SETBP1: variants seen among roughly 807,000 people sequenced by gnomAD.
The protein encoded by SETBP1 is SET-binding protein.
In SETBP1, 9 loss-of-function variants were observed where a neutral mutation model predicts 101.0. The observed-to-expected ratio is 0.09, with a 90% CI of 0.05 to 0.16. The LOEUF (loss-of-function observed/expected upper bound fraction) is 0.16, where lower values mean the gene tolerates loss of function less well. Among genes scored for constraint, SETBP1 ranks in the 10% least tolerant of loss-of-function variants. The pLI is 1.00. For missense variants in SETBP1, 1,858 were observed against 2,033.8 expected (o/e 0.91, Z 1.66); for synonymous variants, 818 against 788.5 (o/e 1.04, Z -0.63).
intron 3 of SETBP1, among the ~76,000 whole-genome samples, chr18:44,921,814 T>C (rs1475758333): frequency 6.6e-6 from 1 of 152,052 alleles, no homozygotes; most frequent in African/African-American, 2.4e-5. Context: ...TGAAGCTTTA[T>C]GAAGGAGGGG....
chr18:44,686,547 C>A (rs547799069), intron 1 of SETBP1, among the ~76,000 whole-genome samples: 1 of 152,308 alleles, frequency 6.6e-6, no homozygotes, highest in South Asian at 2.1e-4. Flanking sequence ...TCACTTACCC[C>A]CTCCAAGCTC....
At chr18:44,975,953 C>G (rs1186199732) in intron 4 of SETBP1, among the ~76,000 whole-genome samples, 2 of 152,128 alleles carry the variant, frequency 1.3e-5, no homozygotes, top group East Asian at 3.9e-4. Context: ...GTCTGCAAGC[C>G]TGGGGCTCTT....
At chr18:44,826,539 G>A (rs750251937) in intron 2 of SETBP1, among the ~76,000 whole-genome samples, 1 of 152,142 alleles carries the variant, frequency 6.6e-6, no homozygotes, top group Non-Finnish European at 1.5e-5. Flanking sequence ...GAGAGTTGGG[G>A]GCATTATCAA....
chr18:44,838,186 C>A (rs539974138), intron 2 of SETBP1, among the ~76,000 whole-genome samples: 1 of 152,314 alleles, frequency 6.6e-6, no homozygotes, highest in African/African-American at 2.4e-5. Context: ...ACATTTAACA[C>A]CCAGCTATAT....
chr18:45,003,956 G>T (rs1269109645), intron 4 of SETBP1, among the ~76,000 whole-genome samples: 1 of 152,174 alleles, frequency 6.6e-6, no homozygotes, highest in Non-Finnish European at 1.5e-5. Context: ...TTTTGGCAAT[G>T]TCTGGAGATA....
chr18:44,714,448 C>T (rs562001777), intron 2 of SETBP1, among the ~76,000 whole-genome samples: 113 of 152,244 alleles, frequency 7.4e-4, no homozygotes, highest in African/African-American at 2.1e-3. Context: ...ATGATCCGCC[C>T]GCCTTGGCCT....
At chr18:44,856,854 T>C (rs1416900836) in intron 2 of SETBP1, among the ~76,000 whole-genome samples, 1 of 152,120 alleles carries the variant, frequency 6.6e-6, no homozygotes, top group East Asian at 1.9e-4. Context: ...GGGAAAGAAG[T>C]TGGTATTCTT....
At chr18:44,878,191 G>T (rs1172435585) in intron 3 of SETBP1, among the ~76,000 whole-genome samples, 1 of 152,132 alleles carries the variant, frequency 6.6e-6, no homozygotes, top group Non-Finnish European at 1.5e-5. Flanking sequence ...ACAAAGTGAG[G>T]CCAACTGGTT....
intron 2 of SETBP1, among the ~76,000 whole-genome samples, chr18:44,715,566 A>G (rs1235213466): frequency 2.6e-5 from 4 of 151,984 alleles, no homozygotes; most frequent in Admixed American, 6.5e-5. Flanking sequence ...TAACAAGTCC[A>G]TCTGTGTTTG....
chr18:44,845,216 C>G (rs1424782758), intron 2 of SETBP1, among the ~76,000 whole-genome samples: 1 of 152,092 alleles, frequency 6.6e-6, no homozygotes, highest in Non-Finnish European at 1.5e-5. Flanking sequence ...GCTACTTCTC[C>G]CTAAGTTAGT....
At position 44,951,614 on chromosome 18, in the gene SETBP1, T is replaced by G. The variant is rs1490760585; in HGVS notation, c.2274T>G (p.Val758=). 1.2e-6 allele frequency: 2 copies of G among 1,613,996 alleles called. No homozygotes were observed. The highest frequency in any genetic ancestry group is 4.5e-5 in the East Asian group (2 of 44,868). The change falls in exon 4 of 6, where the codon GTT becomes GTG. Residue 758 remains valine, a synonymous_variant. Coordinates refer to ENST00000649279, the MANE Select transcript of SETBP1 (RefSeq NM_015559.3). This position sits in a 1 kb window ranked among gnomAD's most constrained non-coding sequence, Gnocchi z 7.8. ...GGCCTGTTTCTAGCCAGCCGGATGT[T>G]CCAGCCGTGCCTTCCAACTTTCAGT... ...HPRPVSSQPD[V]PAVPSNFQSL...
chr18:45,012,609 A>G (rs2072862141), intron 4 of SETBP1, among the ~76,000 whole-genome samples: 1 of 152,220 alleles, frequency 6.6e-6, no homozygotes, highest in African/African-American at 2.4e-5. Context: ...GATTTGTCAA[A>G]GCATCATAAA....
chr18:44,995,913 T>C (rs757421177), intron 4 of SETBP1, among the ~76,000 whole-genome samples: 29 of 152,212 alleles, frequency 1.9e-4, no homozygotes, highest in Non-Finnish European at 3.7e-4. Context: ...ACCGTTACAA[T>C]GGGGCTTGTT....
chr18:44,706,758 A>G (rs1352844549), intron 2 of SETBP1, among the ~76,000 whole-genome samples: 2 of 152,104 alleles, frequency 1.3e-5, no homozygotes, highest in Non-Finnish European at 2.9e-5. Context: ...TGGGAGTTCC[A>G]AATGGATGCC....
chr18:44,837,944 C>A (rs1002744499), intron 2 of SETBP1, among the ~76,000 whole-genome samples: 20 of 152,144 alleles, frequency 1.3e-4, no homozygotes, highest in African/African-American at 4.6e-4. Context: ...CTGAATTGCC[C>A]ACCATTCTCT....
intron 2 of SETBP1, among the ~76,000 whole-genome samples, chr18:44,776,780 A>G (rs1045054471): frequency 1.3e-5 from 2 of 149,260 alleles, no homozygotes; most frequent in Admixed American, 6.6e-5. Context: ...TGGAGCACAC[A>G]TGTGTTCACA....
intron 4 of SETBP1, among the ~76,000 whole-genome samples, chr18:44,976,514 A>G (rs1846845318): frequency 6.6e-6 from 1 of 152,244 alleles, no homozygotes; most frequent in Non-Finnish European, 1.5e-5. Flanking sequence ...GGGCACCAGA[A>G]CTCAGAAGCA....
chr18:44,848,067 C>T (rs1485654599), intron 2 of SETBP1, among the ~76,000 whole-genome samples: 1 of 115,192 alleles, frequency 8.7e-6, no homozygotes, highest in Non-Finnish European at 1.9e-5. Flanking sequence ...TCTCTACTCT[C>T]TGAAGGTGTG....
chr18:44,809,711 AG>A lies in SETBP1; in HGVS notation c.487-59515del, dbSNP rs759959379. Among the ~76,000 whole-genome samples, 41 of 152,272 alleles carry A rather than the reference AG, an allele frequency of 2.7e-4. 2 individuals carry two copies. Among genetic ancestry groups the A allele is most frequent in the East Asian group, 2.3e-3 (12 of 5,184 alleles). On this transcript the variant is annotated intron_variant, in intron 2 of 5. Transcript: ENST00000649279. ...TACCTTAGGGTTGGGGAAGGAGGTG[AG>A]GGGTGAAAGGAGCAGAGAAAACTCA...
Sources: allele counts gnomAD v4.1 joint callset (sites outside exome capture counted in the v4.1 genomes callset), GRCh38; gene constraint gnomAD v4.1.1; non-coding constraint Gnocchi (gnomAD v3.1); transcripts MANE v1.5; gene names NCBI Gene and HGNC (gene_info 2026-07-23, HGNC 2026-07-21).